RPTOR: variants seen among roughly 807,000 people sequenced by gnomAD.
RPTOR encodes the protein regulatory-associated protein of mTOR.
Under a neutral mutation model 169.9 loss-of-function variants are expected in RPTOR, and 21 were observed. The ratio of observed to expected loss-of-function variants is 0.12; its 90% CI spans 0.09 to 0.18. RPTOR has a LOEUF of 0.18. RPTOR is among the 10% of genes least tolerant of loss of function. RPTOR has a pLI of 1.00. For missense variants in RPTOR, 1,133 were observed against 1,855.9 expected, an observed-to-expected ratio of 0.61 and a Z score of 7.16; for synonymous variants, 732 against 753.2, an observed-to-expected ratio of 0.97 and a Z score of 0.46.
intron 7 of RPTOR, among the ~76,000 whole-genome samples, chr17:80,816,282 C>T (rs1028586845): frequency 6.6e-6 from 1 of 152,168 alleles, no homozygotes; most frequent in African/African-American, 2.4e-5. Flanking sequence ...TGCAGGGTGC[C>T]GCAGAGGAGG....
At chr17:80,906,455 G>A (rs910367698) in intron 20 of RPTOR, among the ~76,000 whole-genome samples, 3 of 152,212 alleles carry the variant, frequency 2.0e-5, no homozygotes, top group African/African-American at 7.2e-5. Context: ...TGAGCAGAAG[G>A]TGCATCTGCG....
intron 26 of RPTOR, 21 bp downstream of exon 26, chr17:80,945,802 G>A (rs375122520): frequency 1.4e-5 from 21 of 1,471,440 alleles, no homozygotes; most frequent in Non-Finnish European, 1.8e-5. Flanking sequence ...CGCTGGTCAG[G>A]CCTCCCTTCC....
chr17:80,885,224 G>T, intron 17 of RPTOR, 76 bp downstream of exon 17: 1 of 1,490,816 alleles, frequency 6.7e-7, no homozygotes, highest in Non-Finnish European at 9.0e-7. Flanking sequence ...AGCCCGCATG[G>T]CCCTGACCAC....
intron 1 of RPTOR, among the ~76,000 whole-genome samples, chr17:80,601,363 G>A (rs992978546): frequency 2.6e-5 from 4 of 152,226 alleles, no homozygotes; most frequent in Non-Finnish European, 5.9e-5. Flanking sequence ...GAGGGTTGGG[G>A]ACCTGGCTGT....
chr17:80,840,572 C>T (rs1266481365), intron 10 of RPTOR, among the ~76,000 whole-genome samples: 4 of 130,258 alleles, frequency 3.1e-5, no homozygotes, highest in African/African-American at 6.2e-5. Flanking sequence ...CAGCTCACAC[C>T]GCACGGCAGC....
chr17:80,750,494 G>A (rs983216255), intron 5 of RPTOR, among the ~76,000 whole-genome samples: 14 of 152,132 alleles, frequency 9.2e-5, no homozygotes, highest in Non-Finnish European at 1.8e-4. Flanking sequence ...GGGAGAGTGC[G>A]TTTCCACCAA....
At chr17:80,941,029 G>A (rs936149328) in intron 25 of RPTOR, among the ~76,000 whole-genome samples, 6 of 152,214 alleles carry the variant, frequency 3.9e-5, no homozygotes, top group Admixed American at 6.5e-5. Flanking sequence ...GTGTCGTTGC[G>A]CCAGGCCCTA....
At chr17:80,796,719 C>G (rs569140116) in intron 7 of RPTOR, among the ~76,000 whole-genome samples, 36 of 152,334 alleles carry the variant, frequency 2.4e-4, no homozygotes, top group African/African-American at 8.2e-4. Context: ...GGATTTGGGT[C>G]TGAGTCACTG....
At position 80,966,165 on chromosome 17, in the gene RPTOR, G is replaced by A. The variant is rs993111548; in HGVS notation, c.*1835G>A. ...CCTGGAGCCCACCCCCATGGGCACC[G>A]CGTGCCGCCTGCACGTGGGCTGTCT... On this transcript the variant is annotated 3_prime_UTR_variant, in exon 34 of 34. Transcript: ENST00000306801. 3 of 145,104 alleles carry A rather than the reference G, an allele frequency of 2.1e-5. No individual in the cohort carries two copies. The highest frequency in any genetic ancestry group is 2.8e-4 in the South Asian group (1 of 3,518). 9.0% of individuals were successfully genotyped at this position (145,104 alleles called of 1,614,324 possible). A position where few individuals can be genotyped will look rare whatever the true frequency, so the allele number is the denominator to read the frequency against.
rs2066281943 is a variant in RPTOR at position 80,721,082 on chromosome 17, G to A, written c.508-9478G>A. ...GTGGGAGGCACCTAGGAGGTGAGGA[G>A]GGGCTACGTCTGCCGGGTCTCCAAG... On this transcript the variant is annotated intron_variant, in intron 4 of 33. Coordinates refer to ENST00000306801, the MANE Select transcript of RPTOR (RefSeq NM_020761.3). The surrounding 1 kb of genome is among the most constrained non-coding windows in gnomAD (Gnocchi z 4.7). Among the ~76,000 whole-genome samples, 1 of 150,996 alleles carries A rather than the reference G, an allele frequency of 6.6e-6. No homozygotes were observed. Among genetic ancestry groups the A allele is most frequent in the Non-Finnish European group, 1.5e-5 (1 of 68,018 alleles).
At chr17:80,627,548 C>T (rs774207572) in intron 2 of RPTOR, among the ~76,000 whole-genome samples, 4 of 152,250 alleles carry the variant, frequency 2.6e-5, no homozygotes, top group South Asian at 4.1e-4. Flanking sequence ...ATTTAAGTGG[C>T]GACATATAGT....
chr17:80,880,005 A>G (rs959690389), intron 13 of RPTOR, among the ~76,000 whole-genome samples: 4 of 152,216 alleles, frequency 2.6e-5, no homozygotes, highest in African/African-American at 7.2e-5. Flanking sequence ...CAAACCCCCA[A>G]GAAAAGCTTG....
At chr17:80,640,774 A>AGG (rs1347225358) in intron 2 of RPTOR, among the ~76,000 whole-genome samples, 16 of 150,846 alleles carry the variant, frequency 1.1e-4, no homozygotes, top group Non-Finnish European at 5.9e-5. Flanking sequence ...AAATCCAAGG[A>AGG]GGGGGTACTC....
At chr17:80,810,310 G>A (rs565244982) in intron 7 of RPTOR, among the ~76,000 whole-genome samples, 7 of 152,120 alleles carry the variant, frequency 4.6e-5, no homozygotes, top group African/African-American at 9.6e-5. Context: ...TCTGCGATCC[G>A]TTTCAAGTTG....
intron 20 of RPTOR, among the ~76,000 whole-genome samples, chr17:80,906,605 C>T (rs1382948575): frequency 2.0e-5 from 3 of 152,220 alleles, no homozygotes; most frequent in Admixed American, 6.5e-5. Context: ...CCGCAGGGGA[C>T]GTGTCCCTGG....
intron 33 of RPTOR, among the ~76,000 whole-genome samples, chr17:80,963,821 G>A (rs546635354): frequency 4.1e-5 from 6 of 147,944 alleles, no homozygotes; most frequent in African/African-American, 5.0e-5. Context: ...TCCGCTGTGC[G>A]GCCGAGTCCT....
At chr17:80,687,072 G>T (rs2065953828) in intron 3 of RPTOR, among the ~76,000 whole-genome samples, 1 of 152,128 alleles carries the variant, frequency 6.6e-6, no homozygotes, top group Non-Finnish European at 1.5e-5. Context: ...CTAATAACTG[G>T]GGCTTTGTGG....
chr17:80,871,746 T>G (rs1242896901), intron 13 of RPTOR, among the ~76,000 whole-genome samples: 2 of 152,224 alleles, frequency 1.3e-5, no homozygotes, highest in Non-Finnish European at 2.9e-5. Flanking sequence ...GTATAAGGCT[T>G]AGTCTTGGAG....
chr17:80,709,166 TG>T, intron 4 of RPTOR: 1 of 791,344 alleles, frequency 1.3e-6, no homozygotes, highest in Non-Finnish European at 1.5e-6. Context: ...TCTCTCCCCG[TG>T]TGTATCTGGA....
Sources: allele counts gnomAD v4.1 joint callset (sites outside exome capture counted in the v4.1 genomes callset), GRCh38; gene constraint gnomAD v4.1.1; non-coding constraint Gnocchi (gnomAD v3.1); transcripts MANE v1.5; gene names NCBI Gene and HGNC (gene_info 2026-07-23, HGNC 2026-07-21).